Variants in PGAP6 observed in about 807,000 individuals in gnomAD.
The protein encoded by PGAP6 is post-GPI attachment to proteins 6, also known as post-GPI attachment to proteins factor 6.
A neutral mutation model predicts 68.4 loss-of-function variants in PGAP6; 62 were observed. That is an observed-to-expected ratio of 0.91 (90% CI 0.74 to 1.12). PGAP6 has a LOEUF of 1.12. PGAP6 is among the 50% of genes most tolerant of loss of function. The pLI is 0.00. For missense variants in PGAP6, 1,188 were observed against 1,068.5 expected, an observed-to-expected ratio of 1.11 and a Z score of -1.56; for synonymous variants, 575 against 474.0, an observed-to-expected ratio of 1.21 and a Z score of -2.77.
Position 381,869 on chromosome 16 carries a change from G to C in PGAP6, c.-48C>G, listed in dbSNP as rs897890415. The C allele has an allele frequency of 6.5e-5, 64 of 979,262 alleles. No homozygotes were observed. The highest frequency in any genetic ancestry group is 7.6e-5 in the Non-Finnish European group (63 of 826,360). 60.7% of individuals were successfully genotyped at this position (979,262 alleles called of 1,614,324 possible). On this transcript the variant is annotated 5_prime_UTR_variant, in exon 1 of 13. Transcript: ENST00000431232. ...TACCCGGCCCGCGTCCCGCGCCGCC[G>C]GCCCCCGCCGCCGCCCGGGCAGCCT...
chr16:381,653 C>T, intron 1 of PGAP6, 48 bp downstream of exon 1: 5 of 1,174,664 alleles, frequency 4.3e-6, no homozygotes, highest in Non-Finnish European at 5.3e-6. Context: ...CCGCCCCGCC[C>T]GCAGCCCCGG....
upstream of PGAP6, chr16:382,228 C>G: frequency 2.5e-6 from 1 of 393,464 alleles, no homozygotes; most frequent in Non-Finnish European, 4.5e-6. Flanking sequence ...GCGCTCGGAA[C>G]ACGCAGGAAA....
chr16:375,436 C>T lies in PGAP6; in HGVS notation c.1225-1G>A. 3 of 1,611,938 alleles carry T rather than the reference C, an allele frequency of 1.9e-6. No homozygotes were observed. Among genetic ancestry groups the T allele is most frequent in the African/African-American group, 2.7e-5 (2 of 75,032 alleles). ...CGACGGTCTCGTTCCGCATCTCTGT[C>T]TGGAAAGGGAGGCGGTGCCGGCTCA... On this transcript the variant is annotated splice_acceptor_variant, in intron 6 of 12. Coordinates refer to ENST00000431232, the MANE Select transcript of PGAP6 (RefSeq NM_021259.3). LOFTEE classifies it high-confidence loss of function.
chr16:374,345 T>C lies in PGAP6; in HGVS notation c.1631A>G (p.Gln544Arg), dbSNP rs751448646. 6 of 1,602,480 alleles carry C rather than the reference T, an allele frequency of 3.7e-6. No homozygotes were observed. In the South Asian group the frequency reaches 6.6e-5, roughly 18 times the overall value. The change falls in exon 10 of 13, where the codon CAG becomes CGG. Residue 544 changes from glutamine (Q) to arginine (R), a missense_variant. By Grantham distance (43) the Gln-to-Arg change is conservative. Transcript: ENST00000431232. ...DNSTAQTVAQQRAATLLLTLS... is the reference protein window; with the variant it reads ...DNSTAQTVAQRRAATLLLTLS... ...CGTGAGCAGCAGTGTGGCCGCCCTC[T>C]GCTGGGCCACCGTCTGGGCTGTGCT...
chr16:375,027 C>T, intron 8 of PGAP6, 106 bp downstream of exon 8: 7 of 1,572,680 alleles, frequency 4.5e-6, no homozygotes, highest in Non-Finnish European at 6.1e-6. Context: ...GAGGAAGCAC[C>T]CCTCTAGCTG....
intron 1 of PGAP6, among the ~76,000 whole-genome samples, chr16:379,332 C>A (rs1226139824): frequency 6.6e-6 from 1 of 152,230 alleles, no homozygotes; most frequent in African/African-American, 2.4e-5. Flanking sequence ...GATACACCTG[C>A]CAATAGCAGC....
rs1228609317 is a variant in PGAP6, at chr16:381,941, T to C, written c.-120A>G. On this transcript the variant is annotated 5_prime_UTR_variant, in exon 1 of 13. An upstream start codon of the reference 5' UTR is lost. Transcript: ENST00000431232. Reference sequence around the variant, plus strand: ...CCTCCGCCTCTGCCCCCGGCGCCCATGGCCCGGCCGGTCCCCGCCGCCGTC... The same window carrying C: ...CCTCCGCCTCTGCCCCCGGCGCCCACGGCCCGGCCGGTCCCCGCCGCCGTC... The C allele has an allele frequency of 8.3e-6, 8 of 966,872 alleles. No homozygotes were observed. Among genetic ancestry groups the C allele is most frequent in the South Asian group, 4.7e-5 (1 of 21,472 alleles). 59.9% of individuals were successfully genotyped at this position (966,872 alleles called of 1,614,324 possible).
intron 1 of PGAP6, among the ~76,000 whole-genome samples, chr16:380,234 T>A (rs1246990310): frequency 1.3e-5 from 2 of 152,210 alleles, no homozygotes; most frequent in African/African-American, 4.8e-5. Context: ...GTTTTGGTAT[T>A]TCTGAGGGTC....
At position 381,897 on chromosome 16, in the gene PGAP6, GCCGCCTCCGCCTCTGCCGCCT is replaced by G; in HGVS notation, c.-97_-77del. ...CCCCGCCGCCGCCCGGGCAGCCTCT[GCCGCCTCCGCCTCTGCCGCCT>G]CCGCCTCTGCCCCCGGCGCCCATGG... On this transcript the variant is annotated 5_prime_UTR_variant, in exon 1 of 13. Coordinates refer to ENST00000431232, the MANE Select transcript of PGAP6 (RefSeq NM_021259.3). 3.7e-5 allele frequency: 7 copies of G among 187,396 alleles called. No individual in the cohort carries two copies. Among genetic ancestry groups the G allele is most frequent in the Non-Finnish European group, 4.4e-5 (7 of 158,022 alleles). 11.6% of individuals were successfully genotyped at this position (187,396 alleles called of 1,614,324 possible).
At chr16:372,316 G>C (rs1414705589) in intron 12 of PGAP6, 33 bp from the exon 13 acceptor site, 7 of 1,584,532 alleles carry the variant, frequency 4.4e-6, no homozygotes, top group Non-Finnish European at 6.0e-6. Context: ...TATCAGTGCA[G>C]GTGGGGCCGC....
rs1187646113 is a variant in PGAP6 at position 376,538 on chromosome 16, G to A, written c.904+6C>T. 1.9e-6 allele frequency: 3 copies of A among 1,543,444 alleles called. No individual in the cohort carries two copies. The highest frequency in any genetic ancestry group is 1.7e-6 in the Non-Finnish European group (2 of 1,143,696). On this transcript the variant is annotated splice_donor_region_variant and intron_variant, in intron 5 of 12. Coordinates refer to ENST00000431232, the MANE Select transcript of PGAP6 (RefSeq NM_021259.3). ...GGGCCATCCCTCCAGCCCTTGTGCGGCCCACCTGTGAGGGCAGCTACAGCA... is the reference window on the plus strand; with the variant it reads ...GGGCCATCCCTCCAGCCCTTGTGCGACCCACCTGTGAGGGCAGCTACAGCA...
intron 1 of PGAP6, among the ~76,000 whole-genome samples, 172 bp downstream of exon 1, chr16:381,529 C>A (rs527938472): frequency 6.6e-6 from 1 of 152,250 alleles, no homozygotes; most frequent in East Asian, 1.9e-4. Flanking sequence ...CGCCTCGACC[C>A]CTAGGACACG....
Position 378,360 on chromosome 16 carries a change from C to T in PGAP6, c.122-512G>A, listed in dbSNP as rs1173552474. ...CTGCCATCGCCACTCTGACTGCCAT[C>T]CCCACCCGCACTGCCATCGCCACCC... is the stretch of plus-strand genomic sequence containing the variant. On this transcript the variant is annotated intron_variant, in intron 1 of 12. Coordinates refer to ENST00000431232, the MANE Select transcript of PGAP6 (RefSeq NM_021259.3). 1.6e-5 allele frequency among the ~76,000 whole-genome samples: 2 copies of T among 128,978 alleles called. 1 individual carries two copies. Among genetic ancestry groups the T allele is most frequent in the Non-Finnish European group, 3.3e-5 (2 of 60,482 alleles). 84.6% of individuals were successfully genotyped at this position (128,978 alleles called of 152,430 possible).
chr16:375,985 A>G, intron 6 of PGAP6, 151 bp downstream of exon 6: 1 of 787,688 alleles, frequency 1.3e-6, no homozygotes, highest in Non-Finnish European at 1.9e-6. Context: ...CCAGCAGGGG[A>G]GGCCCCCCAA....
chr16:375,533 CTTT>C (rs373943287), intron 6 of PGAP6, 98 bp from the exon 7 acceptor site: 527 of 749,090 alleles, frequency 7.0e-4, no homozygotes, highest in Non-Finnish European at 9.0e-4. Context: ...TGGTGCCTTT[CTTT>C]TTTTTTTTTT....
In PGAP6 at chr16:374,259, C is replaced by T; in HGVS notation, c.1717G>A (p.Glu573Lys). 4 of 1,608,112 alleles carry T rather than the reference C, an allele frequency of 2.5e-6. 1 individual carries two copies. In the South Asian group the frequency reaches 3.3e-5, roughly 13 times the overall value. The change falls in exon 10 of 13, where the codon GAG becomes AAG. Residue 573 changes from glutamate (E) to lysine (K), a missense_variant. Physicochemically the swap from Glu to Lys is moderately conservative, Grantham distance 56. Transcript: ENST00000431232. Reference protein sequence around the residue: ...AVSVRRFFLVEASVYAYTMFF... With the variant: ...AVSVRRFFLVKASVYAYTMFF... ...ATGGTGTAGGCGTAGACGGAGGCCT[C>T]CACCAGGAAGAATCGCCGCACTGAG...
In PGAP6 at chr16:378,278, ACACTGCCATCGCCACCCG is replaced by A. The variant is rs1567325766; in HGVS notation, c.122-448_122-431del. Among the ~76,000 whole-genome samples the A allele has an allele frequency of 1.2e-3, 17 of 13,664 alleles. No homozygotes were observed. The East Asian group carries it at 0.018, about 14-fold the overall frequency. 9.0% of individuals were successfully genotyped at this position (13,664 alleles called of 152,430 possible). A position where few individuals can be genotyped will look rare whatever the true frequency, so the allele number is the denominator to read the frequency against. ...CCCACCCGCACTGCCATCCCCACCC[ACACTGCCATCGCCACCCG>A]CACTGCCATCGCCACCCGCACTGCC... On this transcript the variant is annotated intron_variant, in intron 1 of 12. Coordinates refer to ENST00000431232, the MANE Select transcript of PGAP6 (RefSeq NM_021259.3).
chr16:376,916 G>C, intron 4 of PGAP6, 104 bp from the exon 5 acceptor site: 1 of 1,558,872 alleles, frequency 6.4e-7, no homozygotes, highest in Non-Finnish European at 8.6e-7. Context: ...GTGGGGGCCA[G>C]GCATCTGGAC....
rs572203277 is a variant in PGAP6 at position 377,022 on chromosome 16, C to G, written c.635+15G>C. The G allele has an allele frequency of 2.6e-5, 42 of 1,612,176 alleles. No homozygotes were observed. The South Asian group carries it at 3.2e-4, about 12-fold the overall frequency. ...CGGAGGGCAGAGCCGGGCTGCCCCC[C>G]AGGCCCCCGCTCACTTGAGGTAGCT... On this transcript the variant is annotated intron_variant, in intron 4 of 12. Transcript: ENST00000431232.
Sources: allele counts gnomAD v4.1 joint callset (sites outside exome capture counted in the v4.1 genomes callset), GRCh38; gene constraint gnomAD v4.1.1; transcripts MANE v1.5; gene names NCBI Gene and HGNC (gene_info 2026-07-23, HGNC 2026-07-21).